The following INIP variants were observed in gnomAD, a reference collection of about 807,000 sequenced individuals.
INIP encodes INTS3 and NABP interacting protein, also known as SOSS complex subunit C.
Under a neutral mutation model 14.0 loss-of-function variants are expected in INIP, and 9 were observed. The ratio of observed to expected loss-of-function variants is 0.64; its 90% CI spans 0.39 to 1.12. The LOEUF is 1.12. Ranked by LOEUF, INIP falls within the 50% of genes most tolerant of loss-of-function variation. INIP has a pLI of 0.01. For missense variants in INIP, 78 were observed against 122.7 expected (o/e 0.64, Z 1.72); for synonymous variants, 37 against 41.5 (o/e 0.89, Z 0.41).
chr9:112,690,617 C>T (rs1837850447), intron 3 of INIP, among the ~76,000 whole-genome samples: 1 of 152,232 alleles, frequency 6.6e-6, no homozygotes, highest in Admixed American at 6.5e-5. Context: ...TCAGTAGTCA[C>T]ATGCTTCAAG....
chr9:112,717,527 TAA>T (rs58903292), intron 1 of INIP, among the ~76,000 whole-genome samples: 4 of 138,638 alleles, frequency 2.9e-5, no homozygotes, highest in Admixed American at 7.2e-5. Flanking sequence ...TACTATTAAT[TAA>T]AAAAAAAAAA....
rs971997176 is a variant in INIP, at chr9:112,685,569, A to G, written c.*1969T>C. ...ACAGACTAGAAACGATAACACTGGT[A>G]AAAAGATCTCTTTACCTGAGCTACA... On this transcript the variant is annotated 3_prime_UTR_variant, in exon 5 of 5. Transcript: ENST00000374242. 6.6e-6 allele frequency: 1 copy of G among 152,238 alleles called. No individual in the cohort carries two copies. Among genetic ancestry groups the G allele is most frequent in the South Asian group, 2.1e-4 (1 of 4,832 alleles). The allele number at this position is 152,238 out of a possible 1,614,324, so 9.4% of individuals were successfully genotyped here.
intron 3 of INIP, among the ~76,000 whole-genome samples, chr9:112,693,493 T>C (rs542872977): frequency 2.0e-5 from 3 of 152,252 alleles, no homozygotes; most frequent in African/African-American, 7.2e-5. Context: ...CATTTATTGT[T>C]CTTTGTTGAA....
intron 2 of INIP, among the ~76,000 whole-genome samples, chr9:112,713,925 A>G (rs2131317745): frequency 6.6e-6 from 1 of 151,982 alleles, no homozygotes; most frequent in East Asian, 1.9e-4. Context: ...TGGAGGTTGC[A>G]GTGAGCTGAG....
chr9:112,687,196 C>G lies in INIP; in HGVS notation c.*342G>C, dbSNP rs1230630381. ...TTAAAGTTAAGTACTATAAATGATT[C>G]TTGAAAATCTACTGTGGACATGATA... On this transcript the variant is annotated 3_prime_UTR_variant, in exon 5 of 5. Coordinates refer to ENST00000374242, the MANE Select transcript of INIP (RefSeq NM_021218.3). The G allele has an allele frequency of 5.7e-6, 1 of 176,758 alleles. No homozygotes were observed. The highest frequency in any genetic ancestry group is 6.1e-5 in the Admixed American group (1 of 16,398). 10.9% of individuals were successfully genotyped at this position (176,758 alleles called of 1,614,324 possible).
At position 112,687,521 on chromosome 9, in the gene INIP, C is replaced by A; in HGVS notation, c.*17G>T. 6.6e-7 allele frequency: 1 copy of A among 1,506,866 alleles called. No homozygotes were observed. The highest frequency in any genetic ancestry group is 9.2e-7 in the Non-Finnish European group (1 of 1,085,166). 93.3% of individuals were successfully genotyped at this position (1,506,866 alleles called of 1,614,324 possible). On this transcript the variant is annotated 3_prime_UTR_variant, in exon 5 of 5. Coordinates refer to ENST00000374242, the MANE Select transcript of INIP (RefSeq NM_021218.3). ...ATTTGATATTACAAAGTCACTTTTC[C>A]ATCGCAAATGTTTTCTTCATTCTGG...
At chr9:112,716,871 C>G (rs1838837569) in intron 1 of INIP, among the ~76,000 whole-genome samples, 1 of 151,580 alleles carries the variant, frequency 6.6e-6, no homozygotes, top group Non-Finnish European at 1.5e-5. Context: ...GGGAGAATCA[C>G]TTGAACCCGG....
chr9:112,703,626 A>G (rs1223494147), intron 2 of INIP, among the ~76,000 whole-genome samples: 1 of 152,208 alleles, frequency 6.6e-6, no homozygotes, highest in African/African-American at 2.4e-5. Flanking sequence ...AAAAAATATC[A>G]AAATCGATTG....
chr9:112,695,980 T>A (rs1486575351), intron 2 of INIP, among the ~76,000 whole-genome samples: 1 of 152,080 alleles, frequency 6.6e-6, no homozygotes, highest in African/African-American at 2.4e-5. Context: ...CTCAAACTCC[T>A]GGGCTCGAGC....
At chr9:112,694,906 G>C (rs1226687131) in intron 2 of INIP, among the ~76,000 whole-genome samples, 3 of 152,150 alleles carry the variant, frequency 2.0e-5, no homozygotes, top group African/African-American at 7.2e-5. Context: ...TCAAACTTAC[G>C]TAAGATATAG....
In INIP at chr9:112,687,088, C is replaced by CTGA. The variant is rs1386885277; in HGVS notation, c.*447_*449dup. The CTGA allele has an allele frequency of 6.5e-6, 1 of 153,152 alleles. No individual in the cohort carries two copies. The highest frequency in any genetic ancestry group is 2.4e-5 in the African/African-American group (1 of 41,464). The allele number at this position is 153,152 out of a possible 1,614,324, so 9.5% of individuals were successfully genotyped here. ...GTTGACTATAAACGCAAAAGGTATACTGATAGCAATCCTATAAACAGCAAA... is the reference window on the plus strand; with the variant it reads ...GTTGACTATAAACGCAAAAGGTATACTGATGATAGCAATCCTATAAACAGCAAA... On this transcript the variant is annotated 3_prime_UTR_variant, in exon 5 of 5. Transcript: ENST00000374242.
In INIP at chr9:112,718,086, A is replaced by G. The variant is rs1333198373; in HGVS notation, c.-156T>C. 6.6e-6 allele frequency: 1 copy of G among 152,452 alleles called. No individual in the cohort carries two copies. The highest frequency in any genetic ancestry group is 2.4e-5 in the African/African-American group (1 of 41,366). 9.4% of individuals were successfully genotyped at this position (152,452 alleles called of 1,614,324 possible). The stretch of plus-strand genomic sequence containing the variant: ...GAGGAGCTCAACTCGCGGCACTACA[A>G]CCTTCCCGCCCCCGCTGCGCTTCCG... On this transcript the variant is annotated 5_prime_UTR_variant, in exon 1 of 5. Transcript: ENST00000374242.
At chr9:112,716,903 C>T (rs1479364512) in intron 1 of INIP, among the ~76,000 whole-genome samples, 1 of 149,926 alleles carries the variant, frequency 6.7e-6, no homozygotes, top group Non-Finnish European at 1.5e-5. Flanking sequence ...TGCAGTGAGC[C>T]GAGATCGCGC....
At chr9:112,712,608 G>T (rs914312746) in intron 2 of INIP, among the ~76,000 whole-genome samples, 2 of 152,086 alleles carry the variant, frequency 1.3e-5, no homozygotes, top group Admixed American at 6.6e-5. Flanking sequence ...AAATAAAAGG[G>T]GTATTTTAGC....
intron 1 of INIP, among the ~76,000 whole-genome samples, chr9:112,717,589 G>T (rs750295691): frequency 2.0e-5 from 3 of 151,816 alleles, no homozygotes; most frequent in Non-Finnish European, 2.9e-5. Flanking sequence ...CGGAGGCAAA[G>T]AATTGATTTC....
chr9:112,701,214 A>G (rs1379114319), intron 2 of INIP, among the ~76,000 whole-genome samples: 2 of 152,240 alleles, frequency 1.3e-5, no homozygotes, highest in Non-Finnish European at 2.9e-5. Context: ...AGGCTGAGGC[A>G]TAAGAATTGC....
At chr9:112,689,760 T>C (rs1386200359) in intron 3 of INIP, 143 bp from the exon 4 acceptor site, 1 of 584,522 alleles carries the variant, frequency 1.7e-6, no homozygotes, top group African/African-American at 1.9e-5. Flanking sequence ...CAATATGATG[T>C]TTTAGTATTT....
intron 2 of INIP, among the ~76,000 whole-genome samples, chr9:112,694,853 AT>A (rs1232011505): frequency 6.6e-6 from 1 of 152,232 alleles, no homozygotes; most frequent in Non-Finnish European, 1.5e-5. Flanking sequence ...ACAAAGAGAT[AT>A]GGCCTTTGTC....
In INIP at chr9:112,690,522, C is replaced by T. The variant is rs143067555; in HGVS notation, c.129-905G>A. The stretch of plus-strand genomic sequence containing the variant: ...GTTCAGAAAGACCACTATTGCACTA[C>T]TGTGGCAGACAGTGTTGGTCACCTC... On this transcript the variant is annotated intron_variant, in intron 3 of 4. Transcript: ENST00000374242. Among the ~76,000 whole-genome samples the T allele has an allele frequency of 2.0e-5, 3 of 152,322 alleles. No individual in the cohort carries two copies. The East Asian group carries it at 5.8e-4, about 29-fold the overall frequency.
Sources: allele counts gnomAD v4.1 joint callset (sites outside exome capture counted in the v4.1 genomes callset), GRCh38; gene constraint gnomAD v4.1.1; transcripts MANE v1.5; gene names NCBI Gene and HGNC (gene_info 2026-07-23, HGNC 2026-07-21).